MAPT: variants seen among roughly 807,000 people sequenced by gnomAD.
The protein encoded by MAPT is microtubule-associated protein tau.
MAPT carries 34 observed loss-of-function variants against 67.9 expected under a neutral mutation model. The ratio of observed to expected loss-of-function variants is 0.50; its 90% CI spans 0.38 to 0.67. MAPT has a LOEUF of 0.67. MAPT is among the 30% of genes least tolerant of loss of function. The pLI is 0.00. For synonymous variants in MAPT, 456 were observed against 464.5 expected (o/e 0.98, Z 0.23); for missense variants, 881 against 1,115.2 (o/e 0.79, Z 2.99).
intron 5 of MAPT, 23 bp downstream of exon 5, chr17:45,983,953 C>A: frequency 6.5e-7 from 1 of 1,527,094 alleles, no homozygotes. Context: ...AGCTTCTTCG[C>A]TCCTTCCCTG....
Position 45,946,615 on chromosome 17 carries a change from A to AAAAAAAAAAATATATATATATAT in MAPT, c.-17-15705_-17-15704insAAAAAAAAATATATATATATATA. 6.5e-3 allele frequency among the ~76,000 whole-genome samples: 643 copies of AAAAAAAAAAATATATATATATAT among 99,550 alleles called. 6 individuals are homozygous for AAAAAAAAAAATATATATATATAT. Among genetic ancestry groups the AAAAAAAAAAATATATATATATAT allele is most frequent in the Non-Finnish European group, 0.01 (527 of 50,606 alleles). 65.3% of individuals were successfully genotyped at this position (99,550 alleles called of 152,430 possible). A position where few individuals can be genotyped will look rare whatever the true frequency, so the allele number is the denominator to read the frequency against. On this transcript the variant is annotated intron_variant, in intron 1 of 12. Transcript: ENST00000262410. ...CTCTGTCTTAAAAAAAAAAAAAAAA[A>AAAAAAAAAAATATATATATATAT]ATATATATATATATATATATATATG...
chr17:46,002,002 G>A (rs1163969664), intron 9 of MAPT, among the ~76,000 whole-genome samples: 2 of 152,220 alleles, frequency 1.3e-5, no homozygotes, highest in Admixed American at 6.5e-5. Flanking sequence ...AGCTGAAGGA[G>A]GATAGTGGAA....
At position 46,027,261 on chromosome 17, in the gene MAPT, G is replaced by C. The variant is rs1329826466; in HGVS notation, c.*3090G>C. On this transcript the variant is annotated 3_prime_UTR_variant, in exon 13 of 13. Transcript: ENST00000262410. ...CTCCCCCTTGTGGGGCAGGCTCTTG[G>C]GGCCAGCCTAAGATCATGGTTTAGG... The C allele has an allele frequency of 6.6e-6, 1 of 152,612 alleles. No individual in the cohort carries two copies. The highest frequency in any genetic ancestry group is 1.5e-5 in the Non-Finnish European group (1 of 68,080). 9.5% of individuals were successfully genotyped at this position (152,612 alleles called of 1,614,324 possible).
rs11356119 is a variant in MAPT at position 45,980,506 on chromosome 17, T to TAA, written c.286+2082_286+2083dup. 1.4e-3 allele frequency: 187 copies of TAA among 136,096 alleles called. 2 individuals are homozygous for TAA. The highest frequency in any genetic ancestry group is 3.7e-3 in the Middle Eastern group (1 of 268). 8.4% of individuals were successfully genotyped at this position (136,096 alleles called of 1,614,324 possible). A position where few individuals can be genotyped will look rare whatever the true frequency, so the allele number is the denominator to read the frequency against. ...GCGACAGAGTGAGTGAGACTCTGTT[T>TAA]AAAAAAAAAAAAAAAAAGAACATTC... On this transcript the variant is annotated intron_variant, in intron 4 of 12. Coordinates refer to ENST00000262410, the MANE Select transcript of MAPT (RefSeq NM_001377265.1).
chr17:45,909,926 A>G (rs1406075085), intron 1 of MAPT, among the ~76,000 whole-genome samples: 1 of 148,456 alleles, frequency 6.7e-6, no homozygotes, highest in Non-Finnish European at 1.5e-5. Context: ...GTGTAATCTC[A>G]GCTATTTGGG....
rs2076012501 is a variant in MAPT at position 46,014,328 on chromosome 17, G to A, written c.2173+4G>A. 1 of 1,609,694 alleles carries A rather than the reference G, an allele frequency of 6.2e-7. No individual in the cohort carries two copies. Among genetic ancestry groups the A allele is most frequent in the Non-Finnish European group, 8.5e-7 (1 of 1,176,038 alleles). ...GGCAACATCCATCATAAACCAGGTA[G>A]CCCTGTGGAAGGTGAGGGTTGGGAC... On this transcript the variant is annotated splice_donor_region_variant and intron_variant, in intron 11 of 12. Transcript: ENST00000262410.
At position 46,024,239 on chromosome 17, in the gene MAPT, A is replaced by G; in HGVS notation, c.*68A>G. 2 of 1,403,136 alleles carry G rather than the reference A, an allele frequency of 1.4e-6. No individual in the cohort carries two copies. 86.9% of individuals were successfully genotyped at this position (1,403,136 alleles called of 1,614,324 possible). A position where few individuals can be genotyped will look rare whatever the true frequency, so the allele number is the denominator to read the frequency against. ...GAGAGAGTGTGGAAAAAAAAAGAAT[A>G]ATGACCCGGCCCCCGCCCTCTGCCC... is the stretch of plus-strand genomic sequence containing the variant. On this transcript the variant is annotated 3_prime_UTR_variant, in exon 13 of 13. Transcript: ENST00000262410.
At chr17:45,922,657 G>A (rs2065865622) in intron 1 of MAPT, among the ~76,000 whole-genome samples, 1 of 152,210 alleles carries the variant, frequency 6.6e-6, no homozygotes. Flanking sequence ...CCTCTCTCCA[G>A]CATTGGTTGT....
chr17:45,942,578 G>A (rs775751968), intron 1 of MAPT, among the ~76,000 whole-genome samples: 4 of 152,180 alleles, frequency 2.6e-5, no homozygotes, highest in African/African-American at 4.8e-5. Context: ...AGCTCCAGGC[G>A]CCTCTCCAAA....
At chr17:45,946,558 C>T (rs535731748) in intron 1 of MAPT, among the ~76,000 whole-genome samples, 1 of 143,090 alleles carries the variant, frequency 7.0e-6, no homozygotes, top group East Asian at 2.0e-4. Context: ...GAGATGGCAC[C>T]ACCACACTCC....
intron 1 of MAPT, among the ~76,000 whole-genome samples, chr17:45,934,122 G>A (rs1197265929): frequency 1.3e-5 from 2 of 152,122 alleles, no homozygotes; most frequent in Non-Finnish European, 2.9e-5. Flanking sequence ...AGCACCTTGG[G>A]ACTCTGAGGA....
In MAPT at chr17:45,978,415, C is replaced by T. The variant is rs768654750; in HGVS notation, c.261C>T (p.Asp87=). ...TTGGAGACACCCCCAGCCTGGAAGA[C>T]GAAGCTGCTGGTCACGTGACCCAAG... ...AGIGDTPSLE[D]EAAGHVTQEE... is the part of the protein sequence containing the mutation. The change falls in exon 4 of 13, where the codon GAC becomes GAT. Residue 87 remains aspartate, a synonymous_variant. Transcript: ENST00000262410. The T allele has an allele frequency of 1.1e-5, 17 of 1,613,512 alleles. No homozygotes were observed. Among genetic ancestry groups the T allele is most frequent in the Middle Eastern group, 3.3e-4 (2 of 6,062 alleles).
intron 1 of MAPT, among the ~76,000 whole-genome samples, chr17:45,916,351 C>G (rs763602311): frequency 6.6e-6 from 1 of 152,196 alleles, no homozygotes; most frequent in African/African-American, 2.4e-5. Context: ...ACGTGGAGCC[C>G]GAGCCTGCCC....
At chr17:45,941,014 G>T (rs999411294) in intron 1 of MAPT, among the ~76,000 whole-genome samples, 5 of 152,178 alleles carry the variant, frequency 3.3e-5, no homozygotes, top group Non-Finnish European at 7.3e-5. Flanking sequence ...GAGGAGACTT[G>T]TGTACAAGGA....
At chr17:45,972,584 A>G (rs538382355) in intron 3 of MAPT, among the ~76,000 whole-genome samples, 5 of 152,224 alleles carry the variant, frequency 3.3e-5, no homozygotes, top group African/African-American at 9.6e-5. Flanking sequence ...TGGCATTTAC[A>G]TGAAGAGGTT....
At position 46,023,944 on chromosome 17, in the gene MAPT, C is replaced by T; in HGVS notation, c.2287-12C>T. The T allele has an allele frequency of 1.2e-6, 2 of 1,612,546 alleles. No homozygotes were observed. The highest frequency in any genetic ancestry group is 8.5e-7 in the Non-Finnish European group (1 of 1,178,876). On this transcript the variant is annotated splice_polypyrimidine_tract_variant and intron_variant, in intron 12 of 12. Transcript: ENST00000262410. ...ACTTCATCTCACCCTCCCTCCCTTC[C>T]TCTTCTTGCAGATTGAAACCCACAA...
chr17:45,941,684 T>TTCCTGCCTTCCTTCCTTCCTTCCTTCCC (rs2067939129), intron 1 of MAPT, among the ~76,000 whole-genome samples: 1 of 51,418 alleles, frequency 1.9e-5, no homozygotes, highest in Non-Finnish European at 3.4e-5. Context: ...CCTTCCCTCC[T>TTCCTGCCTTCCTTCCTTCCTTCCTTCCC]TCCTTCCTTC....
At position 45,901,227 on chromosome 17, in the gene MAPT, G is replaced by A. The variant is rs199725243; in HGVS notation, c.-18+6541G>A. Among the ~76,000 whole-genome samples the A allele has an allele frequency of 2.1e-4, 32 of 152,302 alleles. No individual in the cohort carries two copies. The East Asian group carries it at 4.4e-3, about 21-fold the overall frequency. On this transcript the variant is annotated intron_variant, in intron 1 of 12. Transcript: ENST00000262410. Reference sequence around the variant, plus strand: ...CTTCCTGAAATCCACTCCATGCCAGGAATAAACTGCATGCTCTCCACCAGC... The same window carrying A: ...CTTCCTGAAATCCACTCCATGCCAGAAATAAACTGCATGCTCTCCACCAGC...
intron 1 of MAPT, among the ~76,000 whole-genome samples, chr17:45,904,599 G>A (rs1212217912): frequency 6.6e-6 from 1 of 150,660 alleles, no homozygotes; most frequent in Non-Finnish European, 1.5e-5. Context: ...GGCCGAAGCA[G>A]GAGGATCGCT....
Sources: allele counts gnomAD v4.1 joint callset (sites outside exome capture counted in the v4.1 genomes callset), GRCh38; gene constraint gnomAD v4.1.1; transcripts MANE v1.5; gene names NCBI Gene and HGNC (gene_info 2026-07-23, HGNC 2026-07-21).